The following AKR1B15 variants were observed in gnomAD, a reference collection of about 807,000 sequenced individuals.
The protein encoded by AKR1B15 is estradiol 17-beta-dehydrogenase AKR1B15.
AKR1B15 carries 49 observed loss-of-function variants against 38.5 expected under a neutral mutation model. The ratio of observed to expected loss-of-function variants is 1.27; its 90% confidence interval spans 1.01 to 1.62. The LOEUF (loss-of-function observed/expected upper bound fraction) is 1.62. Among genes scored for constraint, AKR1B15 ranks in the 40% most tolerant of loss-of-function variants. AKR1B15 has a pLI of 0.00. For synonymous variants in AKR1B15, 137 were observed against 135.5 expected, an observed-to-expected ratio of 1.01 and a Z score of -0.08; for missense variants, 411 against 381.6, an observed-to-expected ratio of 1.08 and a Z score of -0.64.
intron 2 of AKR1B15, among the ~76,000 whole-genome samples, chr7:134,563,843 G>C (rs983423720): frequency 1.3e-5 from 2 of 152,138 alleles, no homozygotes; most frequent in African/African-American, 4.8e-5. Context: ...CCCAACACCC[G>C]TTTCTAGCCG....
chr7:134,577,825 T>C, intron 11 of AKR1B15, 39 bp downstream of exon 11: 1 of 1,604,622 alleles, frequency 6.2e-7, no homozygotes, highest in Non-Finnish European at 8.5e-7. Context: ...TTGCCAGGAG[T>C]TTTTCTAAAC....
At chr7:134,579,481 CTTT>C in intron 11 of AKR1B15, 23 bp from the exon 12 acceptor site, 2 of 1,336,742 alleles carry the variant, frequency 1.5e-6, no homozygotes, top group South Asian at 1.4e-5. Context: ...AACACAGTTT[CTTT>C]TTTTTTTTCT....
At position 134,568,256 on chromosome 7, in the gene AKR1B15, G is replaced by T; in HGVS notation, c.249G>T (p.Val83=). Residue 83 remains valine, a synonymous_variant, in exon 4 of 12, where the codon GTG becomes GTT. Coordinates refer to ENST00000457545, the MANE Select transcript of AKR1B15 (RefSeq NM_001080538.3). Reference sequence around the variant, plus strand: ...ATTTCTATGAGAATCAACATGAGGTGGGAGAAGCCATCCAAGAGAAGATCC... The same window carrying T: ...ATTTCTATGAGAATCAACATGAGGTTGGAGAAGCCATCCAAGAGAAGATCC... ...CAYFYENQHE[V]GEAIQEKIQE... The T allele has an allele frequency of 6.2e-7, 1 of 1,614,126 alleles. No individual in the cohort carries two copies. Among genetic ancestry groups the T allele is most frequent in the African/African-American group, 1.3e-5 (1 of 75,042 alleles).
chr7:134,567,931 G>A (rs1227905852), intron 3 of AKR1B15, among the ~76,000 whole-genome samples: 1 of 152,136 alleles, frequency 6.6e-6, no homozygotes, highest in African/African-American at 2.4e-5. Flanking sequence ...TGGCAAAGAA[G>A]ACCCCAGCGA....
intron 2 of AKR1B15, among the ~76,000 whole-genome samples, chr7:134,562,878 C>CTTTCTTTCTT (rs1278660526): frequency 7.4e-6 from 1 of 135,072 alleles, no homozygotes; most frequent in African/African-American, 2.9e-5. Context: ...TTCTTTCTTT[C>CTTTCTTTCTT]TTTCTTTCTT....
intron 1 of AKR1B15, among the ~76,000 whole-genome samples, chr7:134,553,937 G>A (rs1011583797): frequency 7.2e-5 from 11 of 152,152 alleles, no homozygotes; most frequent in African/African-American, 1.7e-4. Flanking sequence ...AGGCACTGCC[G>A]GCAGGTACCT....
At chr7:134,565,549 A>G in intron 3 of AKR1B15, 1 of 1,613,720 alleles carries the variant, frequency 6.2e-7, no homozygotes, top group Non-Finnish European at 8.5e-7. Flanking sequence ...CTTGGAGGGT[A>G]AATATGCAAA....
At chr7:134,559,268 T>C (rs1018983571) in intron 2 of AKR1B15, among the ~76,000 whole-genome samples, 1 of 152,148 alleles carries the variant, frequency 6.6e-6, no homozygotes, top group Non-Finnish European at 1.5e-5. Flanking sequence ...TCTATGTCTA[T>C]ACCACAAAAA....
chr7:134,561,175 A>G (rs1794378868), intron 2 of AKR1B15, among the ~76,000 whole-genome samples: 1 of 152,198 alleles, frequency 6.6e-6, no homozygotes, highest in Admixed American at 6.5e-5. Flanking sequence ...GTGCAGATCC[A>G]GGAGACTTTG....
chr7:134,577,846 T>A, intron 11 of AKR1B15, 60 bp downstream of exon 11: 1 of 1,569,910 alleles, frequency 6.4e-7, no homozygotes, highest in East Asian at 2.3e-5. Flanking sequence ...TGGTAGAGGG[T>A]TAGTTGGAAG....
chr7:134,577,642 C>G, intron 10 of AKR1B15, 62 bp from the exon 11 acceptor site: 3 of 1,559,068 alleles, frequency 1.9e-6, no homozygotes, highest in Non-Finnish European at 2.6e-6. Flanking sequence ...GAATGGCCGG[C>G]AGTCTCCAGC....
At chr7:134,579,191 T>C (rs1293256455) in intron 11 of AKR1B15, among the ~76,000 whole-genome samples, 1 of 152,206 alleles carries the variant, frequency 6.6e-6, no homozygotes, top group African/African-American at 2.4e-5. Context: ...AATTCTGCTG[T>C]TGTTTCCTAC....
chr7:134,562,832 C>CTCTTTCTTTCTT (rs201784260), intron 2 of AKR1B15, among the ~76,000 whole-genome samples: 4,393 of 122,634 alleles, frequency 0.036, 152 homozygotes, highest in East Asian at 0.09. Context: ...TCCTTCCTTT[C>CTCTTTCTTTCTT]TCTTTCTTTC....
At chr7:134,559,241 G>C (rs1794307849) in intron 2 of AKR1B15, among the ~76,000 whole-genome samples, 2 of 152,146 alleles carry the variant, frequency 1.3e-5, no homozygotes, top group African/African-American at 4.8e-5. Context: ...AAAGAAGCTA[G>C]CCCATGTTGA....
In AKR1B15 at chr7:134,576,371, C is replaced by G; in HGVS notation, c.766C>G (p.Leu256Val). The G allele has an allele frequency of 6.2e-7, 1 of 1,614,142 alleles. No individual in the cohort carries two copies. The highest frequency in any genetic ancestry group is 1.3e-5 in the African/African-American group (1 of 75,054). ...RPWAKPEDPS[L>V]LEDPKIKEIA... is the part of the protein sequence containing the mutation. ...TAGGGCCAAACCTGAGGACCCTTCC[C>G]TGCTGGAGGATCCCAAGATTAAGGA... is the stretch of plus-strand genomic sequence containing the variant. The change falls in exon 9 of 12, where the codon CTG becomes GTG. Residue 256 changes from leucine to valine, a missense_variant. Transcript: ENST00000457545.
At position 134,557,795 on chromosome 7, in the gene AKR1B15, G is replaced by A. The variant is rs140049739; in HGVS notation, c.-23+936G>A. ...TGTGTAGCCCCTTCTTCGGGGCTGA[G>A]AGAATTTTGAGCTCTAGCCGTCTCT... On this transcript the variant is annotated intron_variant, in intron 2 of 11. Coordinates refer to ENST00000457545, the MANE Select transcript of AKR1B15 (RefSeq NM_001080538.3). 5.2e-3 allele frequency among the ~76,000 whole-genome samples: 791 copies of A among 152,256 alleles called. 15 individuals are homozygous for A. The highest frequency in any genetic ancestry group is 0.018 in the African/African-American group (764 of 41,552).
chr7:134,564,475 C>T (rs1794488275), intron 2 of AKR1B15, 123 bp from the exon 3 acceptor site: 2 of 486,364 alleles, frequency 4.1e-6, no homozygotes, highest in South Asian at 6.6e-5. Context: ...CTAATTCTTA[C>T]ACCAACCTCT....
At chr7:134,568,544 T>C (rs1327752296) in intron 4 of AKR1B15, among the ~76,000 whole-genome samples, 2 of 152,198 alleles carry the variant, frequency 1.3e-5, no homozygotes, top group Non-Finnish European at 2.9e-5. Context: ...GGATTTCCCA[T>C]AGTGGGCTTG....
chr7:134,579,045 C>G (rs1304533987), intron 11 of AKR1B15, among the ~76,000 whole-genome samples: 12 of 152,210 alleles, frequency 7.9e-5, no homozygotes, highest in Admixed American at 7.9e-4. Context: ...AAGTTGGTTT[C>G]TTTACCTATA....
Sources: allele counts gnomAD v4.1 joint callset (sites outside exome capture counted in the v4.1 genomes callset), GRCh38; gene constraint gnomAD v4.1.1; transcripts MANE v1.5; gene names NCBI Gene and HGNC (gene_info 2026-07-23, HGNC 2026-07-21).